SYNJ2: variants seen among roughly 807,000 people sequenced by gnomAD.
The protein encoded by SYNJ2 is synaptojanin 2, also known as polyphosphatidylinositol phosphatase SYNJ2.
SYNJ2 carries 116 observed loss-of-function variants against 141.3 expected under a neutral mutation model. The ratio of observed to expected loss-of-function variants is 0.82; its 90% confidence interval spans 0.71 to 0.96. SYNJ2 has a LOEUF of 0.96. SYNJ2 is among the 40% of genes least tolerant of loss of function. The pLI, the probability that SYNJ2 is intolerant of heterozygous loss-of-function variation, is 0.00. For missense variants in SYNJ2, 1,873 were observed against 1,934.8 expected (o/e 0.97, Z 0.60); for synonymous variants, 745 against 777.7 (o/e 0.96, Z 0.70).
chr6:158,024,663 A>G (rs972302079), intron 2 of SYNJ2, among the ~76,000 whole-genome samples: 1 of 152,202 alleles, frequency 6.6e-6, no homozygotes, highest in Non-Finnish European at 1.5e-5. Context: ...CTTTTTAAAC[A>G]CTTGGAGTTG....
rs149027272 is a variant in SYNJ2 at position 157,996,880 on chromosome 6, C to T, written c.127+14792C>T. Among the ~76,000 whole-genome samples, 384 of 152,310 alleles carry T rather than the reference C, an allele frequency of 2.5e-3. 1 individual carries two copies. Among genetic ancestry groups the T allele is most frequent in the Admixed American group, 4.0e-3 (61 of 15,306 alleles). On this transcript the variant is annotated intron_variant, in intron 1 of 26. Coordinates refer to ENST00000355585, the MANE Select transcript of SYNJ2 (RefSeq NM_003898.4). ...AAGAAGCAGATGCTGCCATGCTTCC[C>T]GTATAGCCTACAGATCCATGAGCCA... is the stretch of plus-strand genomic sequence containing the variant.
chr6:157,995,008 A>G (rs1364462786), intron 1 of SYNJ2, among the ~76,000 whole-genome samples: 4 of 152,162 alleles, frequency 2.6e-5, no homozygotes, highest in Admixed American at 2.0e-4. Flanking sequence ...AGAAGAAGCT[A>G]TATGGGCCCC....
At chr6:158,017,378 C>G (rs537877786) in intron 2 of SYNJ2, 88 bp downstream of exon 2, 315 of 1,125,542 alleles carry the variant, frequency 2.8e-4, no homozygotes, top group Admixed American at 4.7e-4. Context: ...TGCAGGCATT[C>G]TGTTTGACCG....
chr6:158,095,679 A>G lies in SYNJ2; in HGVS notation c.3806A>G (p.Glu1269Gly), dbSNP rs750033859. 1 of 1,613,702 alleles carries G rather than the reference A, an allele frequency of 6.2e-7. No homozygotes were observed. The highest frequency in any genetic ancestry group is 1.3e-5 in the African/African-American group (1 of 74,998). Residue 1269 changes from glutamate to glycine, a missense_variant, in exon 27 of 27, where the codon GAG (glutamate) becomes GGG (glycine). Transcript: ENST00000355585. ...GTCCATTTTACAATCGGGCCCCCGG[A>G]GACAAGCGTTGAGGCCCCTCCTGTC... ...QTVHFTIGPP[E>G]TSVEAPPVVT...
At position 158,033,680 on chromosome 6, in the gene SYNJ2, G is replaced by A; in HGVS notation, c.711G>A (p.Gln237=). ...GHVSNFVETE[Q]MIYMDDGVSS... is the part of the protein sequence containing the mutation. ...TGTCCAACTTCGTGGAGACAGAGCAGGTGAGTGCCCAGGCCCATCTGTGGC... is the reference window on the plus strand; with the variant it reads ...TGTCCAACTTCGTGGAGACAGAGCAAGTGAGTGCCCAGGCCCATCTGTGGC... The change falls in exon 4 of 27, where the codon CAG becomes CAA. Residue 237 remains glutamine (Q), a splice_region_variant and synonymous_variant. Transcript: ENST00000355585. The A allele has an allele frequency of 3.1e-6, 5 of 1,604,852 alleles. No homozygotes were observed. Among genetic ancestry groups the A allele is most frequent in the Non-Finnish European group, 4.3e-6 (5 of 1,176,452 alleles).
intron 1 of SYNJ2, among the ~76,000 whole-genome samples, chr6:157,993,735 T>A (rs1295906276): frequency 2.3e-4 from 33 of 141,098 alleles, no homozygotes; most frequent in Non-Finnish European, 4.7e-4. Context: ...TTTTTTTTTT[T>A]AAGTAACCTG....
chr6:158,014,621 T>G (rs9364743), intron 1 of SYNJ2, among the ~76,000 whole-genome samples: 84,842 of 151,918 alleles, frequency 0.56, 24,328 homozygotes, highest in Middle Eastern at 0.74. Context: ...CCTAGAGAAA[T>G]GGAGGAAGGG....
chr6:158,004,583 T>C (rs1308091478), intron 1 of SYNJ2, among the ~76,000 whole-genome samples: 6 of 152,340 alleles, frequency 3.9e-5, no homozygotes, highest in Non-Finnish European at 8.8e-5. Context: ...TAGCATATAA[T>C]CCAGAAATAA....
At chr6:158,032,182 G>A (rs183282716) in intron 3 of SYNJ2, among the ~76,000 whole-genome samples, 1 of 152,122 alleles carries the variant, frequency 6.6e-6, no homozygotes, top group African/African-American at 2.4e-5. Context: ...TCAGACGCGG[G>A]CTGTGCTCCC....
Position 158,040,054 on chromosome 6 carries a change from A to T in SYNJ2, c.712-3262A>T, listed in dbSNP as rs985444416. Among the ~76,000 whole-genome samples, 2 of 152,282 alleles carry T rather than the reference A, an allele frequency of 1.3e-5. No homozygotes were observed. Among genetic ancestry groups the T allele is most frequent in the Middle Eastern group, 6.8e-3 (2 of 294 alleles). On this transcript the variant is annotated intron_variant, in intron 4 of 26. Coordinates refer to ENST00000355585, the MANE Select transcript of SYNJ2 (RefSeq NM_003898.4). The surrounding 1 kb of genome is among the most constrained non-coding windows in gnomAD (Gnocchi z 4.2). ...AGGCGGATCGGCTTCTTAGGAATTA[A>T]TTCTCAGGAAGCCAGAAAAGGGGGA...
chr6:158,010,592 G>A (rs891658903), intron 1 of SYNJ2, among the ~76,000 whole-genome samples: 1 of 152,216 alleles, frequency 6.6e-6, no homozygotes, highest in East Asian at 1.9e-4. Flanking sequence ...ATGACCAAGT[G>A]TTTGGGCTGA....
chr6:158,033,714 G>A, intron 4 of SYNJ2, 34 bp downstream of exon 4: 1 of 1,578,252 alleles, frequency 6.3e-7, no homozygotes, highest in Non-Finnish European at 8.6e-7. Flanking sequence ...GCACCAAATG[G>A]TTCCGAGTGG....
intron 2 of SYNJ2, among the ~76,000 whole-genome samples, chr6:158,023,264 TAAA>T (rs112882268): frequency 1.6e-5 from 2 of 125,364 alleles, no homozygotes; most frequent in African/African-American, 2.9e-5. Flanking sequence ...TCTCTAAATT[TAAA>T]AAAAAAAAAA....
chr6:158,017,608 G>T, intron 2 of SYNJ2: 1 of 398,752 alleles, frequency 2.5e-6, no homozygotes, highest in South Asian at 2.0e-5. Context: ...TAGAGACGGG[G>T]TTTTTCCATG....
chr6:158,076,059 G>A (rs138717071), intron 16 of SYNJ2, among the ~76,000 whole-genome samples: 5 of 152,216 alleles, frequency 3.3e-5, no homozygotes, highest in Admixed American at 6.5e-5. Context: ...ATGATGGTGC[G>A]TGCCTGTAGT....
Position 158,038,567 on chromosome 6 carries a change from G to T in SYNJ2, c.712-4749G>T, listed in dbSNP as rs150555035. On this transcript the variant is annotated intron_variant, in intron 4 of 26. Coordinates refer to ENST00000355585, the MANE Select transcript of SYNJ2 (RefSeq NM_003898.4). ...GCTGGCCCATCCATCGGAGACCCCG[G>T]ACAGCCTGGCTACCCAGGAAGGGGA... 6.0e-3 allele frequency among the ~76,000 whole-genome samples: 907 copies of T among 152,334 alleles called. 4 individuals carry two copies. Among genetic ancestry groups the T allele is most frequent in the Non-Finnish European group, 7.6e-3 (516 of 68,024 alleles).
At chr6:158,026,329 C>T (rs958732756) in intron 2 of SYNJ2, among the ~76,000 whole-genome samples, 5 of 152,208 alleles carry the variant, frequency 3.3e-5, no homozygotes, top group Admixed American at 3.3e-4. Context: ...ATCCCAGCTC[C>T]CCGCTCTGTC....
rs1781382756 is a variant in SYNJ2, at chr6:158,063,825, G to A, written c.1162G>A (p.Asp388Asn). The change falls in exon 9 of 27, where the codon GAC (aspartate) becomes AAC (asparagine). Residue 388 changes from aspartate (D) to asparagine (N), a missense_variant. Transcript: ENST00000355585. ...QKGTLRMNCLDCLDRTNTVQS... is the reference protein window; with the variant it reads ...QKGTLRMNCLNCLDRTNTVQS... Reference sequence around the variant, plus strand: ...AGGCACTTTGCGGATGAACTGTCTTGACTGCCTGGACCGAACCAACACTGT... The same window carrying A: ...AGGCACTTTGCGGATGAACTGTCTTAACTGCCTGGACCGAACCAACACTGT... The A allele has an allele frequency of 1.9e-6, 3 of 1,613,806 alleles. No individual in the cohort carries two copies. The highest frequency in any genetic ancestry group is 4.5e-5 in the East Asian group (2 of 44,870).
intron 1 of SYNJ2, among the ~76,000 whole-genome samples, chr6:157,991,818 A>G (rs1158983631): frequency 1.3e-5 from 2 of 152,306 alleles, no homozygotes; most frequent in East Asian, 1.9e-4. Flanking sequence ...ATGAAAATAC[A>G]TGAGATTATC....
Sources: allele counts gnomAD v4.1 joint callset (sites outside exome capture counted in the v4.1 genomes callset), GRCh38; gene constraint gnomAD v4.1.1; non-coding constraint Gnocchi (gnomAD v3.1); transcripts MANE v1.5; gene names NCBI Gene and HGNC (gene_info 2026-07-23, HGNC 2026-07-21).